Variants in NELL1 observed in about 807,000 individuals in gnomAD.
The protein encoded by NELL1 is neural EGFL like 1.
Under a neutral mutation model 107.4 loss-of-function variants are expected in NELL1, and 76 were observed. The observed-to-expected ratio is 0.71, with a 90% CI of 0.59 to 0.86. NELL1 has a LOEUF of 0.86. Among genes scored for constraint, NELL1 ranks in the 40% least tolerant of loss-of-function variants. The probability of loss-of-function intolerance (pLI) is 0.00; values close to 1 mark genes in which losing one functional copy is unlikely to be tolerated. For missense variants in NELL1, 1,024 were observed against 1,005.5 expected (o/e 1.02, Z -0.25); for synonymous variants, 353 against 341.2 (o/e 1.03, Z -0.38).
chr11:21,547,673 T>C (rs1223820138), intron 16 of NELL1, among the ~76,000 whole-genome samples: 1 of 151,972 alleles, frequency 6.6e-6, no homozygotes, highest in Non-Finnish European at 1.5e-5. Context: ...TGCTGTTCCT[T>C]TTGCTTCAAA....
intron 14 of NELL1, among the ~76,000 whole-genome samples, chr11:21,324,946 T>C (rs1443609594): frequency 6.6e-6 from 1 of 152,018 alleles, no homozygotes; most frequent in Non-Finnish European, 1.5e-5. Context: ...TCCTGAGTGT[T>C]TTAGAATCAT....
intron 12 of NELL1, among the ~76,000 whole-genome samples, chr11:20,977,853 A>G (rs184887290): frequency 2.0e-5 from 3 of 152,298 alleles, no homozygotes; most frequent in African/African-American, 7.2e-5. Flanking sequence ...TTCTATGTTT[A>G]TATTCTAAGT....
chr11:21,098,682 G>C lies in NELL1; in HGVS notation c.1301-14907G>C, dbSNP rs550560552. ...AGGTGCTCCAGGGTCACAGGTGTGT[G>C]AGGAAGAAGAAGCTGTCATTGATTG... On this transcript the variant is annotated intron_variant, in intron 12 of 19. Transcript: ENST00000357134. 4.6e-5 allele frequency among the ~76,000 whole-genome samples: 7 copies of C among 152,282 alleles called. No individual in the cohort carries two copies. The East Asian group carries it at 1.4e-3, about 29-fold the overall frequency.
chr11:21,084,600 C>T (rs1207094624), intron 12 of NELL1, among the ~76,000 whole-genome samples: 1 of 152,112 alleles, frequency 6.6e-6, no homozygotes, highest in African/African-American at 2.4e-5. Flanking sequence ...GCAGGGCTAA[C>T]TCTAGGGGCA....
chr11:21,204,982 A>G (rs895903937), intron 13 of NELL1, among the ~76,000 whole-genome samples: 8 of 152,106 alleles, frequency 5.3e-5, no homozygotes, highest in African/African-American at 1.9e-4. Context: ...TTCCTCTGGA[A>G]GCTTCGTCCC....
At chr11:21,141,946 T>C (rs537708163) in intron 13 of NELL1, among the ~76,000 whole-genome samples, 1 of 152,198 alleles carries the variant, frequency 6.6e-6, no homozygotes, top group East Asian at 1.9e-4. Context: ...GTATTTTTAG[T>C]ACAGATGGTG....
intron 13 of NELL1, among the ~76,000 whole-genome samples, chr11:21,187,830 T>A (rs1856967138): frequency 6.6e-6 from 1 of 151,914 alleles, no homozygotes; most frequent in Non-Finnish European, 1.5e-5. Context: ...TATAGACTTT[T>A]AGAGCAGCAT....
rs545008902 is a variant in NELL1 at position 20,705,426 on chromosome 11, A to G, written c.184+27366A>G. ...ACAAGCGATGGGGAAAGGATTCCCT[A>G]TTTAATAAATGGTGCTGGGAAAACT... On this transcript the variant is annotated intron_variant, in intron 2 of 19. Transcript: ENST00000357134. 2.6e-5 allele frequency among the ~76,000 whole-genome samples: 4 copies of G among 152,144 alleles called. No homozygotes were observed. In the South Asian group the frequency reaches 6.2e-4, roughly 24 times the overall value.
intron 12 of NELL1, among the ~76,000 whole-genome samples, chr11:21,077,684 A>G (rs1284503784): frequency 6.6e-6 from 1 of 151,830 alleles, no homozygotes; most frequent in Non-Finnish European, 1.5e-5. Context: ...CGGAGGTTGC[A>G]GTGAGCCAAG....
chr11:20,790,518 G>A (rs1344975312), intron 3 of NELL1, among the ~76,000 whole-genome samples: 2 of 152,266 alleles, frequency 1.3e-5, no homozygotes, highest in African/African-American at 4.8e-5. Context: ...CTCCAAGAGT[G>A]CAGGGATGCG....
chr11:20,982,466 C>G (rs548853723), intron 12 of NELL1, among the ~76,000 whole-genome samples: 1 of 152,228 alleles, frequency 6.6e-6, no homozygotes, highest in Admixed American at 6.5e-5. Flanking sequence ...AATTTAGGTC[C>G]CTATTTGCTG....
chr11:20,761,778 T>C (rs1856425940), intron 2 of NELL1, among the ~76,000 whole-genome samples: 1 of 152,226 alleles, frequency 6.6e-6, no homozygotes, highest in Non-Finnish European at 1.5e-5. Context: ...ACAAGATGCT[T>C]ATAGGTTTGC....
At chr11:21,209,000 T>C (rs1260059848) in intron 13 of NELL1, among the ~76,000 whole-genome samples, 2 of 152,122 alleles carry the variant, frequency 1.3e-5, no homozygotes, top group Non-Finnish European at 2.9e-5. Flanking sequence ...ATAGTAACCA[T>C]TGTGAAGACC....
intron 14 of NELL1, among the ~76,000 whole-genome samples, chr11:21,302,613 C>G (rs12272080): frequency 0.019 from 2,875 of 152,036 alleles, 40 homozygotes; most frequent in Non-Finnish European, 0.031. Flanking sequence ...GGAATGGTTT[C>G]CTCTTTTGTA....
chr11:21,073,842 AAATG>A (rs1388460558), intron 12 of NELL1, among the ~76,000 whole-genome samples: 2 of 152,340 alleles, frequency 1.3e-5, no homozygotes, highest in East Asian at 1.9e-4. Flanking sequence ...TATAAATAGA[AAATG>A]AATAAATTTT....
intron 5 of NELL1, among the ~76,000 whole-genome samples, chr11:20,903,656 A>C (rs768070166): frequency 2.8e-4 from 43 of 152,092 alleles, no homozygotes; most frequent in Non-Finnish European, 4.1e-4. Flanking sequence ...GTGACTTTTT[A>C]GATTAGTTGT....
chr11:21,357,102 T>C (rs1193330333), intron 14 of NELL1, among the ~76,000 whole-genome samples: 1 of 152,246 alleles, frequency 6.6e-6, no homozygotes, highest in African/African-American at 2.4e-5. Context: ...TGAATTGTGC[T>C]GCTCTAAACA....
At chr11:21,443,968 C>T (rs12797550) in intron 15 of NELL1, among the ~76,000 whole-genome samples, 45,673 of 151,580 alleles carry the variant, frequency 0.3, 7,743 homozygotes, top group South Asian at 0.42. Flanking sequence ...AGAAGGAAAA[C>T]AATAATCACT....
intron 3 of NELL1, among the ~76,000 whole-genome samples, chr11:20,811,497 A>C (rs1355685498): frequency 6.6e-6 from 1 of 151,910 alleles, no homozygotes; most frequent in Non-Finnish European, 1.5e-5. Context: ...TAGTATTTTG[A>C]TAGGGATTGC....
Sources: gnomAD v4.1 joint callset for allele counts (sites outside exome capture counted in the v4.1 genomes callset) on GRCh38, gnomAD v4.1.1 for gene constraint, MANE v1.5 for transcripts, NCBI Gene and HGNC (gene_info 2026-07-23, HGNC 2026-07-21) for gene names.